Variants in PRR16 observed in about 807,000 individuals in gnomAD.
PRR16 encodes the protein proline rich 16, also known as protein Largen.
A neutral mutation model predicts 18.2 loss-of-function variants in PRR16; 6 were observed. That is an observed-to-expected ratio of 0.33 (90% CI 0.18 to 0.65). The LOEUF (loss-of-function observed/expected upper bound fraction) is 0.65, where lower values mean the gene tolerates loss of function less well. PRR16 is among the 30% of genes least tolerant of loss of function. PRR16 has a pLI of 0.74. For missense variants in PRR16, 412 were observed against 376.6 expected (o/e 1.09, Z -0.78); for synonymous variants, 151 against 147.8 (o/e 1.02, Z -0.16).
At chr5:120,651,717 C>T (rs1001974359) in intron 1 of PRR16, among the ~76,000 whole-genome samples, 7 of 152,046 alleles carry the variant, frequency 4.6e-5, no homozygotes, top group African/African-American at 1.7e-4. Flanking sequence ...TACCATGCTG[C>T]TTTGGTTACT....
intron 1 of PRR16, among the ~76,000 whole-genome samples, chr5:120,494,679 C>G (rs1432841731): frequency 6.6e-6 from 1 of 152,024 alleles, no homozygotes; most frequent in Non-Finnish European, 1.5e-5. Flanking sequence ...GTATAAGAAC[C>G]TAGCCCTAAA....
intron 1 of PRR16, among the ~76,000 whole-genome samples, chr5:120,628,658 T>TCTAC (rs1455151198): frequency 5.6e-5 from 8 of 144,122 alleles, no homozygotes; most frequent in Admixed American, 6.9e-5. Context: ...CTTCTATCTA[T>TCTAC]CTACCTACCT....
intron 1 of PRR16, among the ~76,000 whole-genome samples, chr5:120,645,730 T>A (rs1755570201): frequency 6.6e-6 from 1 of 152,020 alleles, no homozygotes; most frequent in Non-Finnish European, 1.5e-5. Flanking sequence ...AAGAGCCAAG[T>A]TTCTTTTGTT....
chr5:120,718,169 A>G, the PRR16 span, among the ~76,000 whole-genome samples: 4 of 152,122 alleles, frequency 2.6e-5, no homozygotes, highest in Admixed American at 2.0e-4. Context: ...TTTCCCGTCT[A>G]ATGTTCACAT....
At chr5:120,691,882 A>T (rs1757213907), downstream of PRR16, among the ~76,000 whole-genome samples, 1 of 152,210 alleles carries the variant, frequency 6.6e-6, no homozygotes, top group Non-Finnish European at 1.5e-5. Context: ...CACTCTTCGA[A>T]GGGTTTTACG....
chr5:120,781,439 G>A, the PRR16 span: 1 of 152,138 alleles, frequency 6.6e-6, no homozygotes, highest in African/African-American at 2.4e-5. Flanking sequence ...ATGATCTAAT[G>A]GTAATAAACT....
chr5:120,604,100 A>AT (rs35932718), intron 1 of PRR16, among the ~76,000 whole-genome samples: 2,554 of 147,536 alleles, frequency 0.017, 73 homozygotes, highest in African/African-American at 0.058. Flanking sequence ...TAGGTCCCAA[A>AT]TTTTTTTTTT....
At chr5:120,477,010 C>G (rs1263704538) in intron 1 of PRR16, among the ~76,000 whole-genome samples, 1 of 152,126 alleles carries the variant, frequency 6.6e-6, no homozygotes, top group Non-Finnish European at 1.5e-5. Context: ...TTGACAGTCT[C>G]TTTAATAATC....
chr5:120,533,149 G>A (rs1471107547), intron 1 of PRR16, among the ~76,000 whole-genome samples: 2 of 152,142 alleles, frequency 1.3e-5, no homozygotes, highest in Non-Finnish European at 2.9e-5. Context: ...CTTTTGGAGT[G>A]ATCTAGAGTT....
the PRR16 span, among the ~76,000 whole-genome samples, chr5:120,709,870 A>T: frequency 6.6e-6 from 1 of 152,146 alleles, no homozygotes; most frequent in Non-Finnish European, 1.5e-5. Context: ...CATTTTCTTT[A>T]TAAATTTATC....
At chr5:120,594,108 C>A (rs1753727072) in intron 1 of PRR16, among the ~76,000 whole-genome samples, 1 of 152,128 alleles carries the variant, frequency 6.6e-6, no homozygotes, top group South Asian at 2.1e-4. Context: ...AGGATGCCCT[C>A]TCTCACCACA....
chr5:120,482,465 CT>C (rs1415542904), intron 1 of PRR16, among the ~76,000 whole-genome samples: 1 of 152,126 alleles, frequency 6.6e-6, no homozygotes, highest in African/African-American at 2.4e-5. Flanking sequence ...TGATTTCATT[CT>C]TTGTTATGAC....
the PRR16 span, among the ~76,000 whole-genome samples, chr5:120,761,912 T>C: frequency 6.6e-6 from 1 of 152,164 alleles, no homozygotes; most frequent in Non-Finnish European, 1.5e-5. Context: ...ATTATCATTC[T>C]ATTCTCTACC....
rs115691396 is a variant in PRR16, at chr5:120,579,651, A to G, written c.160-106303A>G. Among the ~76,000 whole-genome samples, 1,244 of 152,030 alleles carry G rather than the reference A, an allele frequency of 8.2e-3. 24 individuals are homozygous for G. The highest frequency in any genetic ancestry group is 0.028 in the African/African-American group (1,154 of 41,546). ...TCAGGACCATGGTGTAGCCTGTAAT[A>G]TAGTTTAAAGTCAGGTAGCATGTTG... On this transcript the variant is annotated intron_variant, in intron 1 of 1. Coordinates refer to ENST00000407149, the MANE Select transcript of PRR16 (RefSeq NM_001300783.2).
intron 1 of PRR16, among the ~76,000 whole-genome samples, chr5:120,493,147 G>C (rs567141633): frequency 1.3e-5 from 2 of 152,238 alleles, no homozygotes; most frequent in Non-Finnish European, 2.9e-5. Context: ...ATTTTCCATA[G>C]TGTTAGCACT....
chr5:120,657,175 G>C (rs558971653), intron 1 of PRR16, among the ~76,000 whole-genome samples: 4 of 152,052 alleles, frequency 2.6e-5, no homozygotes, highest in African/African-American at 9.6e-5. Context: ...AGGTAAATTA[G>C]AAATGATCTA....
chr5:120,568,362 A>C (rs1313478302), intron 1 of PRR16, among the ~76,000 whole-genome samples: 1 of 152,296 alleles, frequency 6.6e-6, no homozygotes, highest in South Asian at 2.1e-4. Context: ...CTAGTGGGGA[A>C]TTATTACCCC....
At chr5:120,697,720 T>G in the PRR16 span, among the ~76,000 whole-genome samples, 4 of 150,986 alleles carry the variant, frequency 2.6e-5, no homozygotes, top group African/African-American at 9.8e-5. Flanking sequence ...TCAAAGGGGG[T>G]TTGTTCTCTG....
chr5:120,494,281 T>C (rs1434580913), intron 1 of PRR16, among the ~76,000 whole-genome samples: 1 of 152,136 alleles, frequency 6.6e-6, no homozygotes, highest in African/African-American at 2.4e-5. Flanking sequence ...ATGGCAATAA[T>C]GTTTTAGCAT....
Sources: gnomAD v4.1 joint callset for allele counts (sites outside exome capture counted in the v4.1 genomes callset) on GRCh38, gnomAD v4.1.1 for gene constraint, MANE v1.5 for transcripts, NCBI Gene and HGNC (gene_info 2026-07-23, HGNC 2026-07-21) for gene names.